The following CCDC7 variants were observed in gnomAD, a reference collection of about 807,000 sequenced individuals.
CCDC7 encodes coiled-coil domain containing 7, also known as coiled-coil domain-containing protein 7.
A neutral mutation model predicts 196.9 loss-of-function variants in CCDC7; 183 were observed. That is an observed-to-expected ratio of 0.93 (90% CI 0.82 to 1.05). The LOEUF (loss-of-function observed/expected upper bound fraction) is 1.05. Ranked by LOEUF, CCDC7 falls within the 50% of genes least tolerant of loss-of-function variation. The probability of loss-of-function intolerance (pLI) is 0.00; values close to 1 mark genes in which losing one functional copy is unlikely to be tolerated. For synonymous variants in CCDC7, 525 were observed against 484.6 expected, an observed-to-expected ratio of 1.08 and a Z score of -1.10; for missense variants, 1,540 against 1,482.2, an observed-to-expected ratio of 1.04 and a Z score of -0.64.
chr10:32,762,793 G>T (rs535914338), intron 28 of CCDC7, among the ~76,000 whole-genome samples: 1 of 151,804 alleles, frequency 6.6e-6, no homozygotes, highest in Admixed American at 6.6e-5. Context: ...ATAGTGTTGG[G>T]AAATTTGAAT....
chr10:32,466,874 T>C (rs1047088107), intron 5 of CCDC7, among the ~76,000 whole-genome samples: 2 of 152,186 alleles, frequency 1.3e-5, no homozygotes, highest in African/African-American at 4.8e-5. Flanking sequence ...AGGCAACTAA[T>C]TTATACTCCC....
chr10:32,582,138 A>G (rs1324069262), intron 16 of CCDC7, among the ~76,000 whole-genome samples: 5 of 121,358 alleles, frequency 4.1e-5, no homozygotes. Context: ...ATATATATAT[A>G]TACTTTTTTT....
chr10:32,520,974 C>T (rs1339830609), intron 11 of CCDC7, among the ~76,000 whole-genome samples: 1 of 152,012 alleles, frequency 6.6e-6, no homozygotes, highest in Non-Finnish European at 1.5e-5. Flanking sequence ...ATTGAAGAGA[C>T]TGTCTTTTCC....
chr10:32,511,254 T>TGGGG (rs1167793491), intron 9 of CCDC7: 39 of 593,958 alleles, frequency 6.6e-5, no homozygotes, highest in Admixed American at 2.6e-4. Flanking sequence ...AATTATTCTG[T>TGGGG]GGGGGGCGGG....
intron 24 of CCDC7, among the ~76,000 whole-genome samples, chr10:32,707,467 C>T (rs1437486478): frequency 6.6e-6 from 1 of 152,108 alleles, no homozygotes; most frequent in African/African-American, 2.4e-5. Flanking sequence ...GAAGTTCTGG[C>T]CCGGGCAATC....
intron 12 of CCDC7, 116 bp from the exon 14 acceptor site, chr10:32,544,131 A>T (rs2052000007): frequency 3.6e-6 from 3 of 835,182 alleles, no homozygotes; most frequent in East Asian, 2.8e-5. Context: ...AGAAATATGA[A>T]TTTTTTTAAA....
chr10:32,766,448 ATCC>A (rs2078317245), intron 28 of CCDC7, among the ~76,000 whole-genome samples: 1 of 152,036 alleles, frequency 6.6e-6, no homozygotes, highest in South Asian at 2.1e-4. Flanking sequence ...GATCTTACAG[ATCC>A]AATGGTGCTG....
chr10:32,681,417 G>T (rs2141031730), intron 21 of CCDC7, among the ~76,000 whole-genome samples: 1 of 152,208 alleles, frequency 6.6e-6, no homozygotes. Context: ...TACAGTCATT[G>T]TTTGTCACAA....
At position 32,828,461 on chromosome 10, in the gene CCDC7, A is replaced by AGAAGAAGAAGAAGAAGAAGAAGAG. The variant is rs2091543061; in HGVS notation, c.3268+3862_3268+3863insAGAAGAAGAAGAAGAAGAGGAAGA. Among the ~76,000 whole-genome samples, 30 of 70,838 alleles carry AGAAGAAGAAGAAGAAGAAGAAGAG rather than the reference A, an allele frequency of 4.2e-4. 3 individuals are homozygous for AGAAGAAGAAGAAGAAGAAGAAGAG. Among genetic ancestry groups the AGAAGAAGAAGAAGAAGAAGAAGAG allele is most frequent in the South Asian group, 2.0e-3 (4 of 2,014 alleles). 46.5% of individuals were successfully genotyped at this position (70,838 alleles called of 152,430 possible). A position where few individuals can be genotyped will look rare whatever the true frequency, so the allele number is the denominator to read the frequency against. ...AAGGAGAAGAAGAAGAAGAAGAAGA[A>AGAAGAAGAAGAAGAAGAAGAAGAG]GAAGAGGAAGAGGAAGAGGAAGAGG... On this transcript the variant is annotated intron_variant, in intron 32 of 41. Transcript: ENST00000639629.
intron 18 of CCDC7, among the ~76,000 whole-genome samples, chr10:32,584,512 C>A (rs1051187012): frequency 1.3e-5 from 2 of 151,412 alleles, no homozygotes; most frequent in Admixed American, 1.3e-4. Flanking sequence ...AATCCCAGCA[C>A]TTTGGGAGGC....
At chr10:32,848,970 T>C (rs911648434) in intron 39 of CCDC7, among the ~76,000 whole-genome samples, 2 of 152,142 alleles carry the variant, frequency 1.3e-5, no homozygotes, top group African/African-American at 4.8e-5. Context: ...GATTTCTTAT[T>C]AAATTATACA....
chr10:32,843,734 A>G (rs2093120025), intron 33 of CCDC7, among the ~76,000 whole-genome samples: 1 of 152,040 alleles, frequency 6.6e-6, no homozygotes, highest in Non-Finnish European at 1.5e-5. Context: ...CTCACTTGAA[A>G]TGAACCATTC....
intron 18 of CCDC7, among the ~76,000 whole-genome samples, chr10:32,600,684 A>G (rs9783132): frequency 0.042 from 6,462 of 152,268 alleles, 460 homozygotes; most frequent in African/African-American, 0.15. Flanking sequence ...TATATATTGC[A>G]TACCCAATAA....
intron 38 of CCDC7, 146 bp from the exon 40 acceptor site, chr10:32,848,450 A>G (rs1305060630): frequency 1.7e-6 from 1 of 604,312 alleles, no homozygotes; most frequent in African/African-American, 1.9e-5. Context: ...CTACACAGAA[A>G]TTTAAGTAAT....
At chr10:32,701,896 A>T (rs1383630999) in intron 24 of CCDC7, among the ~76,000 whole-genome samples, 3 of 151,298 alleles carry the variant, frequency 2.0e-5, no homozygotes, top group Non-Finnish European at 4.4e-5. Context: ...CGTCAATTTG[A>T]TTCTTCTCTC....
At chr10:32,682,105 A>T (rs1366584912) in intron 21 of CCDC7, among the ~76,000 whole-genome samples, 1 of 152,026 alleles carries the variant, frequency 6.6e-6, no homozygotes, top group Non-Finnish European at 1.5e-5. Flanking sequence ...TCGATGTACA[A>T]ATGATTTTGT....
chr10:32,684,879 A>G (rs1192244338), intron 21 of CCDC7, among the ~76,000 whole-genome samples: 2 of 152,130 alleles, frequency 1.3e-5, no homozygotes, highest in African/African-American at 4.8e-5. Flanking sequence ...ATTTACCTGT[A>G]TGAGTTTTTT....
chr10:32,764,849 A>G (rs2078020300), intron 28 of CCDC7, among the ~76,000 whole-genome samples: 1 of 152,050 alleles, frequency 6.6e-6, no homozygotes, highest in African/African-American at 2.4e-5. Context: ...TCAGAGGCCA[A>G]GTGGTGGCAT....
intron 25 of CCDC7, among the ~76,000 whole-genome samples, chr10:32,721,440 G>A (rs2142141354): frequency 6.6e-6 from 1 of 152,292 alleles, no homozygotes; most frequent in South Asian, 2.1e-4. Flanking sequence ...TCAGGGTAAA[G>A]TTAGCAGCAT....
Sources: allele counts gnomAD v4.1 joint callset (sites outside exome capture counted in the v4.1 genomes callset), GRCh38; gene constraint gnomAD v4.1.1; transcripts MANE v1.5; gene names NCBI Gene and HGNC (gene_info 2026-07-23, HGNC 2026-07-21).